UBR4: variants seen among roughly 807,000 people sequenced by gnomAD.
UBR4 encodes the protein E3 ubiquitin-protein ligase UBR4.
In UBR4, 124 loss-of-function variants were observed where a neutral mutation model predicts 575.6. The observed-to-expected ratio is 0.22, with a 90% confidence interval of 0.19 to 0.25. The LOEUF (loss-of-function observed/expected upper bound fraction) is 0.25, where lower values mean the gene tolerates loss of function less well. Ranked by LOEUF, UBR4 falls within the 10% of genes least tolerant of loss-of-function variation. The pLI is 1.00. For synonymous variants in UBR4, 2,455 were observed against 2,473.7 expected (o/e 0.99, Z 0.22); for missense variants, 4,818 against 6,478.8 (o/e 0.74, Z 8.80).
chr1:19,191,971 G>C (rs974450276), intron 11 of UBR4, among the ~76,000 whole-genome samples: 3 of 152,148 alleles, frequency 2.0e-5, no homozygotes, highest in Non-Finnish European at 4.4e-5. Flanking sequence ...CCCTTTGACA[G>C]ATGAGGAAAT....
In UBR4 at chr1:19,084,518, A is replaced by C. The variant is rs1337580236; in HGVS notation, c.14994T>G (p.Leu4998=). ...HLIPYIIHTV[L]YVLNTTRATS... ...AGGGTACTGACGTGTTCAGGACGTA[A>C]AGCACAGTGTGAATGATGTACGGGA... Residue 4998 remains leucine, a synonymous_variant, in exon 102 of 106, where the codon CTT becomes CTG. Coordinates refer to ENST00000375254, the MANE Select transcript of UBR4 (RefSeq NM_020765.3). 6.2e-7 allele frequency: 1 copy of C among 1,612,640 alleles called. No individual in the cohort carries two copies. The highest frequency in any genetic ancestry group is 8.5e-7 in the Non-Finnish European group (1 of 1,179,004).
chr1:19,103,681 C>G (rs527436308), intron 87 of UBR4, among the ~76,000 whole-genome samples: 8 of 152,172 alleles, frequency 5.3e-5, no homozygotes, highest in African/African-American at 1.9e-4. Flanking sequence ...GTCAAAAATG[C>G]AGCATAAATA....
In UBR4 at chr1:19,093,966, T is replaced by A; in HGVS notation, c.13920A>T (p.Pro4640=). Residue 4640 remains proline (P), a synonymous_variant, in exon 95 of 106, where the codon CCA becomes CCT. Coordinates refer to ENST00000375254, the MANE Select transcript of UBR4 (RefSeq NM_020765.3). This position sits in a 1 kb window ranked among gnomAD's most constrained non-coding sequence, Gnocchi z 4.8. The stretch of plus-strand genomic sequence containing the variant: ...TAACATACTTATCAAAGTTGCAGTA[T>A]GGTTTGAATCGCTCCACCAAGATCT... The part of the protein sequence containing the change: ...KMQILVERFK[P]YCNFDKYDED... 1 of 1,613,348 alleles carries A rather than the reference T, an allele frequency of 6.2e-7. No individual in the cohort carries two copies. Among genetic ancestry groups the A allele is most frequent in the Non-Finnish European group, 8.5e-7 (1 of 1,179,600 alleles).
rs781367276 is a variant in UBR4, at chr1:19,128,070, TTTG to T, written c.9111+138_9111+140del. The stretch of plus-strand genomic sequence containing the variant: ...GGCCAAAGCAGGCCCTGAATACGCT[TTTG>T]TTGACTCAACAGAATGCAGCCCTCA... On this transcript the variant is annotated intron_variant, in intron 62 of 105. Transcript: ENST00000375254. 9.0e-5 allele frequency: 74 copies of T among 826,138 alleles called. 1 individual carries two copies. In the Middle Eastern group the frequency reaches 3.3e-3, roughly 37 times the overall value. The allele number at this position is 826,138 out of a possible 1,614,324, so 51.2% of individuals were successfully genotyped here.
rs747617528 is a variant in UBR4 at position 19,093,523 on chromosome 1, C to T, written c.13938-37G>A. On this transcript the variant is annotated intron_variant, in intron 95 of 105. Coordinates refer to ENST00000375254, the MANE Select transcript of UBR4 (RefSeq NM_020765.3). This position sits in a 1 kb window ranked among gnomAD's most constrained non-coding sequence, Gnocchi z 4.8. ...GAGCAGAGTTTGAGGGTGTGAAAGG[C>T]GGGACAAAACCCAGTCATGTCACCC... 27 of 1,602,296 alleles carry T rather than the reference C, an allele frequency of 1.7e-5. No homozygotes were observed. Among genetic ancestry groups the T allele is most frequent in the Admixed American group, 3.4e-5 (2 of 59,354 alleles).
In UBR4 at chr1:19,199,109, C is replaced by T. The variant is rs149617402; in HGVS notation, c.379-181G>A. On this transcript the variant is annotated intron_variant, in intron 3 of 105. Coordinates refer to ENST00000375254, the MANE Select transcript of UBR4 (RefSeq NM_020765.3). ...TAGCTTATAGATTTGTCTTATTGTT[C>T]TCACAATATTTTTTTAAAATTTGAA... Among the ~76,000 whole-genome samples the T allele has an allele frequency of 5.5e-3, 845 of 152,292 alleles. 4 individuals are homozygous for T. The highest frequency in any genetic ancestry group is 8.9e-3 in the Non-Finnish European group (606 of 68,018).
rs1440897202 is a variant in UBR4 at position 19,117,994 on chromosome 1, G to T, written c.10542-84C>A. 1.5e-6 allele frequency: 2 copies of T among 1,372,452 alleles called. No homozygotes were observed. The highest frequency in any genetic ancestry group is 1.7e-5 in the Admixed American group (1 of 57,146). The allele number at this position is 1,372,452 out of a possible 1,614,324, so 85.0% of individuals were successfully genotyped here. ...CACAAAAAAATCATGACAAAGCCAT[G>T]GCTCAATGTGAGCCAAAGTGAGCCC... is the stretch of plus-strand genomic sequence containing the variant. On this transcript the variant is annotated intron_variant, in intron 71 of 105. Transcript: ENST00000375254. The surrounding 1 kb of genome is among the most constrained non-coding windows in gnomAD (Gnocchi z 4.0).
intron 31 of UBR4, 94 bp from the exon 32 acceptor site, chr1:19,165,091 T>C: frequency 6.5e-7 from 1 of 1,549,822 alleles, no homozygotes; most frequent in South Asian, 1.1e-5. Context: ...GGGAAATGGC[T>C]TCAAAGCAAG....
At position 19,150,628 on chromosome 1, in the gene UBR4, C is replaced by T; in HGVS notation, c.7379G>A (p.Gly2460Glu). ...AGTGGGGGCAGCTGAGTCGCTATCT[C>T]CAGTGCCGTTGCTCTGGTTCAGATT... ...PSNLNQSNGT[G>E]DSDSAAPTTT... is the part of the protein sequence containing the mutation. Residue 2460 changes from glycine (G) to glutamate (E), a missense_variant, in exon 49 of 106, where the codon GGA (glycine) becomes GAA (glutamate). By Grantham distance (98) the Gly-to-Glu change is moderately conservative. Around this residue, in one of 29 missense-constraint regions of UBR4, gnomAD observed 340 missense variants for 375.4 expected, o/e 0.91. Coordinates refer to ENST00000375254, the MANE Select transcript of UBR4 (RefSeq NM_020765.3). 6.2e-7 allele frequency: 1 copy of T among 1,614,006 alleles called. No individual in the cohort carries two copies. Among genetic ancestry groups the T allele is most frequent in the Non-Finnish European group, 8.5e-7 (1 of 1,180,014 alleles).
intron 49 of UBR4, among the ~76,000 whole-genome samples, chr1:19,149,093 T>C (rs1243184057): frequency 6.6e-6 from 1 of 152,310 alleles, no homozygotes; most frequent in Middle Eastern, 3.4e-3. Context: ...GTCCCAAGTA[T>C]GGGGGAGAGA....
At chr1:19,087,102 T>C (rs2077087973) in intron 99 of UBR4, among the ~76,000 whole-genome samples, 1 of 152,280 alleles carries the variant, frequency 6.6e-6, no homozygotes, top group East Asian at 1.9e-4. Flanking sequence ...CTCGGCCATC[T>C]TTCTTTACTT....
chr1:19,162,312 A>T, intron 35 of UBR4, 108 bp downstream of exon 35: 1 of 1,348,554 alleles, frequency 7.4e-7, no homozygotes, highest in Non-Finnish European at 1.0e-6. Context: ...AACAAGGACT[A>T]GGAAGTTTTG....
At chr1:19,113,516 C>T (rs1210692983) in intron 77 of UBR4, 183 bp downstream of exon 77, 13 of 824,646 alleles carry the variant, frequency 1.6e-5, no homozygotes, top group South Asian at 1.0e-4. Flanking sequence ...TTCTGACCAG[C>T]GCCATAAATC....
chr1:19,186,026 T>C (rs2091495751), intron 14 of UBR4, among the ~76,000 whole-genome samples: 1 of 152,242 alleles, frequency 6.6e-6, no homozygotes, highest in Non-Finnish European at 1.5e-5. Context: ...TTTCACATTG[T>C]TCCCACAAAC....
At position 19,152,571 on chromosome 1, in the gene UBR4, CTCTAA is replaced by C; in HGVS notation, c.6833-100_6833-96del. 3 of 1,508,210 alleles carry C rather than the reference CTCTAA, an allele frequency of 2.0e-6. No individual in the cohort carries two copies. The highest frequency in any genetic ancestry group is 2.7e-6 in the Non-Finnish European group (3 of 1,103,466). The allele number at this position is 1,508,210 out of a possible 1,614,324, so 93.4% of individuals were successfully genotyped here. On this transcript the variant is annotated intron_variant, in intron 46 of 105. Coordinates refer to ENST00000375254, the MANE Select transcript of UBR4 (RefSeq NM_020765.3). This position sits in a 1 kb window ranked among gnomAD's most constrained non-coding sequence, Gnocchi z 4.4. ...CTCCCAGACAGAGCCCACACTCACA[CTCTAA>C]TCTAAGCAAACTCTGGATTATAACA...
rs1468068197 is a variant in UBR4 at position 19,117,195 on chromosome 1, C to T, written c.10823+26G>A. ...AGCTTCAGCCTTACAACCTGCTGCC[C>T]CTCCCGAGGCCTAAAAAGCCCGTAC... On this transcript the variant is annotated intron_variant, in intron 73 of 105. Transcript: ENST00000375254. This position sits in a 1 kb window ranked among gnomAD's most constrained non-coding sequence, Gnocchi z 4.0. 6.2e-7 allele frequency: 1 copy of T among 1,606,650 alleles called. No homozygotes were observed. Among genetic ancestry groups the T allele is most frequent in the African/African-American group, 1.3e-5 (1 of 74,936 alleles).
intron 51 of UBR4, among the ~76,000 whole-genome samples, chr1:19,147,721 C>T (rs938070654): frequency 6.7e-5 from 10 of 149,736 alleles, no homozygotes; most frequent in South Asian, 4.2e-4. Context: ...AGGCTACCCA[C>T]GCTCAATATC....
At chr1:19,198,976 CT>C in intron 3 of UBR4, 48 bp from the exon 4 acceptor site, 1 of 1,589,788 alleles carries the variant, frequency 6.3e-7, no homozygotes, top group Non-Finnish European at 8.6e-7. Flanking sequence ...ACAAATAGAT[CT>C]TTCAGAAAAT....
In UBR4 at chr1:19,121,331, G is replaced by A. The variant is rs578156965; in HGVS notation, c.9999C>T (p.Leu3333=). The A allele has an allele frequency of 1.2e-5, 20 of 1,614,192 alleles. No individual in the cohort carries two copies. The highest frequency in any genetic ancestry group is 1.7e-4 in the Middle Eastern group (1 of 6,060). The change falls in exon 68 of 106, where the codon CTC becomes CTT. Residue 3333 remains leucine, a synonymous_variant. Transcript: ENST00000375254. ...ATCCCGAAGAGGCTGCCAGTGCAGC[G>A]AGCACCTTGCTGCCGCACAGAGCAC... ...LSCALCGSKV[L]AALAASSGSS...
Sources: allele counts gnomAD v4.1 joint callset (sites outside exome capture counted in the v4.1 genomes callset), GRCh38; gene constraint gnomAD v4.1.1; regional missense constraint gnomAD v4.1.1; non-coding constraint Gnocchi (gnomAD v3.1); transcripts MANE v1.5; gene names NCBI Gene and HGNC (gene_info 2026-07-23, HGNC 2026-07-21).